Variants in NR1D2 observed in about 807,000 individuals in gnomAD.
NR1D2 encodes V-erbA-related protein 1-related.
In NR1D2, 25 loss-of-function variants were observed where a neutral mutation model predicts 52.2. The ratio of observed to expected loss-of-function variants is 0.48; its 90% CI spans 0.35 to 0.67. The LOEUF (loss-of-function observed/expected upper bound fraction) is 0.67. Ranked by LOEUF, NR1D2 falls within the 30% of genes least tolerant of loss-of-function variation. The pLI, the probability that NR1D2 is intolerant of heterozygous loss-of-function variation, is 0.01. For missense variants in NR1D2, 681 were observed against 707.2 expected, an observed-to-expected ratio of 0.96 and a Z score of 0.42; for synonymous variants, 259 against 230.1, an observed-to-expected ratio of 1.13 and a Z score of -1.14.
intron 1 of NR1D2, among the ~76,000 whole-genome samples, chr3:23,946,756 A>G (rs1019839340): frequency 3.9e-5 from 6 of 152,232 alleles, no homozygotes; most frequent in African/African-American, 1.2e-4. Flanking sequence ...AATCTGATCA[A>G]GAGAATTTGG....
chr3:23,976,753 T>G (rs78679147), intron 7 of NR1D2, among the ~76,000 whole-genome samples: 1,903 of 151,504 alleles, frequency 0.013, 37 homozygotes, highest in African/African-American at 0.043. Flanking sequence ...GTCCACTTAG[T>G]AGGAGGAGGT....
In NR1D2 at chr3:23,955,779, C is replaced by A. The variant is rs143249744; in HGVS notation, c.284-258C>A. ...TGGAGGTTGCAATGAGCTGAGATCACGCCACTGCGTTCCAGCCTGGGCGAC... is the reference window on the plus strand; with the variant it reads ...TGGAGGTTGCAATGAGCTGAGATCAAGCCACTGCGTTCCAGCCTGGGCGAC... On this transcript the variant is annotated intron_variant, in intron 2 of 7. Transcript: ENST00000312521. 4.7e-3 allele frequency among the ~76,000 whole-genome samples: 718 copies of A among 151,978 alleles called. 7 individuals carry two copies. Among genetic ancestry groups the A allele is most frequent in the African/African-American group, 0.016 (650 of 41,418 alleles).
chr3:23,970,828 CTGGAG>C (rs1706568237), intron 7 of NR1D2, among the ~76,000 whole-genome samples: 1 of 152,112 alleles, frequency 6.6e-6, no homozygotes, highest in Admixed American at 6.6e-5. Flanking sequence ...GCTGCCCAGG[CTGGAG>C]TGCAATGGCA....
intron 1 of NR1D2, chr3:23,946,591 T>C (rs995502027): frequency 1.3e-5 from 2 of 152,230 alleles, no homozygotes; most frequent in Admixed American, 1.3e-4. Flanking sequence ...GCTGGAGTTT[T>C]CCAGTAAACG....
At chr3:23,977,022 A>AT (rs1403940003) in intron 7 of NR1D2, among the ~76,000 whole-genome samples, 1 of 152,096 alleles carries the variant, frequency 6.6e-6, no homozygotes, top group African/African-American at 2.4e-5. Context: ...GTTTTATGTG[A>AT]TATATATGCT....
intron 7 of NR1D2, among the ~76,000 whole-genome samples, chr3:23,971,890 G>A (rs1395099031): frequency 2.6e-5 from 4 of 152,140 alleles, no homozygotes; most frequent in Non-Finnish European, 4.4e-5. Context: ...AAAGTTGAAA[G>A]TCAGCATTTA....
At chr3:23,945,846 G>C (rs1169917532) in intron 1 of NR1D2, among the ~76,000 whole-genome samples, 1 of 150,756 alleles carries the variant, frequency 6.6e-6, no homozygotes, top group Non-Finnish European at 1.5e-5. Flanking sequence ...ACATGGCCCG[G>C]CCGCGCGAGC....
chr3:23,957,190 C>A (rs1210424421), intron 3 of NR1D2, among the ~76,000 whole-genome samples: 1 of 151,606 alleles, frequency 6.6e-6, no homozygotes, highest in Non-Finnish European at 1.5e-5. Flanking sequence ...ATCACATTGG[C>A]CAGGCTGGTC....
intron 1 of NR1D2, chr3:23,946,367 G>C (rs1705708972): frequency 1.1e-6 from 1 of 883,868 alleles, no homozygotes; most frequent in African/African-American, 1.8e-5. Context: ...GCGTGCTGCA[G>C]GCCGGAGGAG....
At chr3:23,964,356 C>T (rs529140376) in intron 5 of NR1D2, among the ~76,000 whole-genome samples, 3 of 152,302 alleles carry the variant, frequency 2.0e-5, no homozygotes, top group Admixed American at 6.5e-5. Context: ...AGATTACAGG[C>T]GTGAGCCACT....
chr3:23,975,465 A>G (rs151155021), intron 7 of NR1D2, among the ~76,000 whole-genome samples: 2,237 of 152,218 alleles, frequency 0.015, 30 homozygotes, highest in Non-Finnish European at 0.02. Flanking sequence ...GTAATGTTCA[A>G]ATTTTGTTAA....
intron 1 of NR1D2, among the ~76,000 whole-genome samples, chr3:23,948,132 A>T (rs923364301): frequency 6.7e-6 from 1 of 150,186 alleles, no homozygotes; most frequent in Non-Finnish European, 1.5e-5. Context: ...AAAAAAAAAA[A>T]GCCTTTTAAC....
chr3:23,964,584 A>C (rs1180001729), intron 5 of NR1D2, among the ~76,000 whole-genome samples: 1 of 152,208 alleles, frequency 6.6e-6, no homozygotes, highest in Non-Finnish European at 1.5e-5. Context: ...AAGAAATGGA[A>C]ATTATAATCT....
intron 7 of NR1D2, among the ~76,000 whole-genome samples, chr3:23,972,967 A>G (rs1706629444): frequency 6.6e-6 from 1 of 152,206 alleles, no homozygotes; most frequent in African/African-American, 2.4e-5. Context: ...ATAACGAAGC[A>G]TAGGTCATCT....
In NR1D2 at chr3:23,962,105, C is replaced by G. The variant is rs571069391; in HGVS notation, c.646C>G (p.His216Asp). The stretch of plus-strand genomic sequence containing the variant: ...GCAAAATGACACATTAGTAGAACAT[C>G]ATGAACAGACAGCCTTGCCAGCCCA... ...HLQNDTLVEH[H>D]EQTALPAQEQ... Residue 216 changes from histidine to aspartate, a missense_variant, in exon 5 of 8, where the codon CAT becomes GAT. His to Asp is a moderately conservative substitution (Grantham distance 81). Transcript: ENST00000312521. The G allele has an allele frequency of 1.9e-6, 3 of 1,614,168 alleles. No individual in the cohort carries two copies. Among genetic ancestry groups the G allele is most frequent in the African/African-American group, 2.7e-5 (2 of 75,044 alleles).
intron 4 of NR1D2, among the ~76,000 whole-genome samples, chr3:23,960,193 TAGGTCAGG>T (rs1706199761): frequency 1.3e-5 from 2 of 152,222 alleles, no homozygotes; most frequent in African/African-American, 4.8e-5. Flanking sequence ...TGGGTCACTT[TAGGTCAGG>T]AGTTCCAGAC....
intron 1 of NR1D2, among the ~76,000 whole-genome samples, chr3:23,949,459 A>G (rs1242928935): frequency 6.6e-6 from 1 of 152,000 alleles, no homozygotes; most frequent in Non-Finnish European, 1.5e-5. Context: ...TCAATTCCCC[A>G]CTTAGATATT....
chr3:23,947,510 C>G (rs1377120493), intron 1 of NR1D2, among the ~76,000 whole-genome samples: 2 of 152,208 alleles, frequency 1.3e-5, no homozygotes, highest in African/African-American at 4.8e-5. Context: ...GGATGATTAT[C>G]AAGTTCCAAG....
At chr3:23,976,484 A>G (rs1378414503) in intron 7 of NR1D2, among the ~76,000 whole-genome samples, 1 of 152,202 alleles carries the variant, frequency 6.6e-6, no homozygotes, top group East Asian at 1.9e-4. Context: ...GTATGTAGTT[A>G]TCGGCAAGAT....
Sources: gnomAD v4.1 joint callset for allele counts (sites outside exome capture counted in the v4.1 genomes callset) on GRCh38, gnomAD v4.1.1 for gene constraint, MANE v1.5 for transcripts, NCBI Gene and HGNC (gene_info 2026-07-23, HGNC 2026-07-21) for gene names.